LRRC2: variants seen among roughly 807,000 people sequenced by gnomAD.
LRRC2 encodes the protein leucine-rich repeat-containing protein 2.
A neutral mutation model predicts 40.2 loss-of-function variants in LRRC2; 27 were observed. The ratio of observed to expected loss-of-function variants is 0.67; its 90% CI spans 0.49 to 0.93. The LOEUF (loss-of-function observed/expected upper bound fraction) is 0.93. Among genes scored for constraint, LRRC2 ranks in the 40% least tolerant of loss-of-function variants. The pLI is 0.00. For synonymous variants in LRRC2, 147 were observed against 158.9 expected (o/e 0.92, Z 0.56); for missense variants, 402 against 439.6 (o/e 0.91, Z 0.76).
chr3:46,543,433 G>A (rs1265435874), intron 3 of LRRC2, among the ~76,000 whole-genome samples: 2 of 151,992 alleles, frequency 1.3e-5, no homozygotes, highest in Non-Finnish European at 1.5e-5. Context: ...TGGTTAACAC[G>A]GTGAAAACCC....
rs1474053131 is a variant in LRRC2, at chr3:46,527,421, C to T, written c.929+5G>A. 1.9e-6 allele frequency: 3 copies of T among 1,613,784 alleles called. No individual in the cohort carries two copies. Among genetic ancestry groups the T allele is most frequent in the Non-Finnish European group, 2.5e-6 (3 of 1,179,766 alleles). On this transcript the variant is annotated splice_donor_5th_base_variant and intron_variant, in intron 7 of 8. Transcript: ENST00000395905. ...TGTGTCTACTGGGATTTCCGGGCTA[C>T]TCACTTTAAAGGTGTGGATGAGTCA...
rs1025445707 is a variant in LRRC2 at position 46,547,504 on chromosome 3, AAAG to A, written c.126-2254_126-2252del. ...CTCTACAAAAAATACAAGAAAAAAA[AAAG>A]AAAGCGGGGCTGGTGGCACATGCTT... On this transcript the variant is annotated intron_variant, in intron 2 of 8. Coordinates refer to ENST00000395905, the MANE Select transcript of LRRC2 (RefSeq NM_024512.5). Among the ~76,000 whole-genome samples the A allele has an allele frequency of 7.3e-5, 11 of 150,322 alleles. No individual in the cohort carries two copies. In the South Asian group the frequency reaches 1.1e-3, roughly 15 times the overall value.
chr3:46,534,278 A>G (rs1282936388), intron 4 of LRRC2, among the ~76,000 whole-genome samples: 1 of 152,158 alleles, frequency 6.6e-6, no homozygotes. Context: ...ATGGCTGCAT[A>G]GTATTCCATG....
chr3:46,551,250 G>T, intron 2 of LRRC2: 1 of 397,366 alleles, frequency 2.5e-6, no homozygotes, highest in Non-Finnish European at 4.4e-6. Context: ...CCTACCACAA[G>T]GGTGGTGGGT....
intron 5 of LRRC2, 131 bp from the exon 6 acceptor site, chr3:46,530,181 T>C: frequency 1.4e-6 from 1 of 725,146 alleles, no homozygotes; most frequent in Admixed American, 2.5e-5. Context: ...ATCAATACAG[T>C]ATGTATTTTG....
intron 2 of LRRC2, chr3:46,551,236 C>CGGGGGGGGGGGGGGGGGGGG: frequency 2.8e-6 from 1 of 356,300 alleles, no homozygotes; most frequent in Non-Finnish European, 5.0e-6. Flanking sequence ...CGGTCTTCCT[C>CGGGGGGGGGGGGGGGGGGGG]GTGCCTACCA....
intron 4 of LRRC2, among the ~76,000 whole-genome samples, chr3:46,533,826 T>A (rs932353204): frequency 6.7e-6 from 1 of 150,144 alleles, no homozygotes; most frequent in Non-Finnish European, 1.5e-5. Flanking sequence ...TTTTTCTTTC[T>A]CTCTCTGCCT....
In LRRC2 at chr3:46,539,074, T is replaced by G. The variant is rs1226485972; in HGVS notation, c.461A>C (p.Asn154Thr). 6.2e-7 allele frequency: 1 copy of G among 1,613,512 alleles called. No homozygotes were observed. The highest frequency in any genetic ancestry group is 1.1e-5 in the South Asian group (1 of 90,946). The change falls in exon 4 of 9, where the codon AAC (asparagine) becomes ACC (threonine). Residue 154 changes from asparagine to threonine, a missense_variant. Asn to Thr is a moderately conservative substitution (Grantham distance 65, BLOSUM62 0). Coordinates refer to ENST00000395905, the MANE Select transcript of LRRC2 (RefSeq NM_024512.5). ...TTCTGCTGGAAGATGTGAGATTTGG[T>G]TTTTTGGCAGATCCAGAATTCTCAT... ...QAMRILDLPKNQISHLPAEIG... is the reference protein window; with the variant it reads ...QAMRILDLPKTQISHLPAEIG...
At chr3:46,524,970 T>C (rs1039928108) in intron 7 of LRRC2, among the ~76,000 whole-genome samples, 25 of 152,340 alleles carry the variant, frequency 1.6e-4, no homozygotes, top group African/African-American at 6.0e-4. Context: ...ATATCATGTA[T>C]TAGCATTGAT....
At position 46,515,752 on chromosome 3, in the gene LRRC2, T is replaced by C. The variant is rs1180146053; in HGVS notation, c.*3262A>G. On this transcript the variant is annotated 3_prime_UTR_variant, in exon 9 of 9. Transcript: ENST00000395905. ...ACATAAATTATGAACAGTCTATTTG[T>C]ATGAAAGCCCCTCTTCAGATATATT... The C allele has an allele frequency of 2.6e-5, 4 of 152,160 alleles. No individual in the cohort carries two copies. Among genetic ancestry groups the C allele is most frequent in the Admixed American group, 6.5e-5 (1 of 15,272 alleles). 9.4% of individuals were successfully genotyped at this position (152,160 alleles called of 1,614,324 possible).
At chr3:46,562,716 A>T (rs1362423303) in intron 1 of LRRC2, among the ~76,000 whole-genome samples, 1 of 149,824 alleles carries the variant, frequency 6.7e-6, no homozygotes, top group South Asian at 2.2e-4. Context: ...AATCTAGAAG[A>T]TCTAGAAGTT....
intron 1 of LRRC2, among the ~76,000 whole-genome samples, chr3:46,564,155 C>G (rs897032344): frequency 6.6e-6 from 1 of 152,130 alleles, no homozygotes; most frequent in African/African-American, 2.4e-5. Flanking sequence ...GCTGAACCAA[C>G]CCCTGTAGAA....
intron 1 of LRRC2, chr3:46,557,955 T>C (rs1704846898): frequency 6.6e-6 from 1 of 152,212 alleles, no homozygotes; most frequent in African/African-American, 2.4e-5. Flanking sequence ...GTGCAGGTAA[T>C]ATGCAGGCTT....
chr3:46,526,228 C>T (rs1166398583), intron 7 of LRRC2, among the ~76,000 whole-genome samples: 1 of 152,142 alleles, frequency 6.6e-6, no homozygotes, highest in African/African-American at 2.4e-5. Flanking sequence ...TTTATGCAAA[C>T]CTGTATCTAT....
chr3:46,561,168 A>T (rs903659568), intron 1 of LRRC2, among the ~76,000 whole-genome samples: 5 of 152,034 alleles, frequency 3.3e-5, no homozygotes, highest in Admixed American at 6.6e-5. Flanking sequence ...TTTCATGTCC[A>T]GCTGCTGCTT....
At chr3:46,552,290 T>C (rs1204941323) in intron 1 of LRRC2, among the ~76,000 whole-genome samples, 1 of 151,712 alleles carries the variant, frequency 6.6e-6, no homozygotes, top group African/African-American at 2.4e-5. Context: ...GGCACGGGCA[T>C]GCACACACAC....
intron 3 of LRRC2, among the ~76,000 whole-genome samples, chr3:46,542,221 A>G (rs958920032): frequency 6.6e-6 from 1 of 152,102 alleles, no homozygotes; most frequent in African/African-American, 2.4e-5. Context: ...CTGAAACAAG[A>G]AAGCATCCCC....
At chr3:46,543,417 C>A (rs1001562589) in intron 3 of LRRC2, among the ~76,000 whole-genome samples, 1 of 152,028 alleles carries the variant, frequency 6.6e-6, no homozygotes, top group Non-Finnish European at 1.5e-5. Flanking sequence ...GAGATCGAGA[C>A]CATCCTGGTT....
intron 1 of LRRC2, among the ~76,000 whole-genome samples, chr3:46,555,349 T>G (rs539254303): frequency 6.6e-6 from 1 of 152,166 alleles, no homozygotes; most frequent in African/African-American, 2.4e-5. Flanking sequence ...CATTTATATT[T>G]AATACACTTA....
Sources: gnomAD v4.1 joint callset for allele counts (sites outside exome capture counted in the v4.1 genomes callset) on GRCh38, gnomAD v4.1.1 for gene constraint, MANE v1.5 for transcripts, NCBI Gene and HGNC (gene_info 2026-07-23, HGNC 2026-07-21) for gene names.